The following YAP1 variants were observed in gnomAD, a reference collection of about 807,000 sequenced individuals.
YAP1 encodes the protein Yes1 associated transcriptional regulator, also known as transcriptional coactivator YAP1.
YAP1 carries 5 observed loss-of-function variants against 56.9 expected under a neutral mutation model. That is an observed-to-expected ratio of 0.09 (90% CI 0.05 to 0.18). The LOEUF is 0.18. Ranked by LOEUF, YAP1 falls within the 10% of genes least tolerant of loss-of-function variation. The pLI, the probability that YAP1 is intolerant of heterozygous loss-of-function variation, is 1.00. For missense variants in YAP1, 539 were observed against 651.8 expected, an observed-to-expected ratio of 0.83 and a Z score of 1.88; for synonymous variants, 265 against 248.1, an observed-to-expected ratio of 1.07 and a Z score of -0.64.
intron 3 of YAP1, among the ~76,000 whole-genome samples, chr11:102,176,439 A>AT (rs1266148414): frequency 5.9e-5 from 9 of 152,108 alleles, no homozygotes; most frequent in Non-Finnish European, 1.0e-4. Flanking sequence ...CTTCACAAAG[A>AT]TATGGCATAA....
Position 102,229,854 on chromosome 11 carries a change from G to C in YAP1, c.1429G>C (p.Ala477Pro). The C allele has an allele frequency of 6.2e-7, 1 of 1,614,148 alleles. No individual in the cohort carries two copies. The change falls in exon 9 of 9, where the codon GCT becomes CCT. Residue 477 changes from alanine (A) to proline (P), a missense_variant. Physicochemically the swap from Ala to Pro is conservative, Grantham distance 27. Around this residue, in one of 4 missense-constraint regions of YAP1, gnomAD observed 414 missense variants for 512.4 expected, o/e 0.81. Transcript: ENST00000282441. ...GGAGCTGATGCCAAGTCTGCAGGAA[G>C]CTTTGAGTTCTGACATCCTTAATGA... ...GEELMPSLQE[A>P]LSSDILNDME...
intron 6 of YAP1, among the ~76,000 whole-genome samples, chr11:102,221,452 A>G (rs994130285): frequency 6.6e-6 from 1 of 152,196 alleles, no homozygotes; most frequent in African/African-American, 2.4e-5. Context: ...GGCTGGGTGC[A>G]GTGGCCTATG....
At chr11:102,166,264 C>CT (rs764364781) in intron 3 of YAP1, among the ~76,000 whole-genome samples, 1 of 152,196 alleles carries the variant, frequency 6.6e-6, no homozygotes, top group East Asian at 1.9e-4. Context: ...CTGATAATAT[C>CT]TTTACAGCAC....
chr11:102,135,217 T>A (rs1445469002), intron 2 of YAP1, among the ~76,000 whole-genome samples: 1 of 152,178 alleles, frequency 6.6e-6, no homozygotes, highest in Non-Finnish European at 1.5e-5. Context: ...GGCTGGATTA[T>A]TTTTTAGTTT....
chr11:102,194,716 A>G (rs1188911476), intron 4 of YAP1, among the ~76,000 whole-genome samples: 1 of 152,208 alleles, frequency 6.6e-6, no homozygotes, highest in Non-Finnish European at 1.5e-5. Context: ...GGAAGCCACC[A>G]GTCAAATTTC....
At position 102,110,557 on chromosome 11, in the gene YAP1, C is replaced by G; in HGVS notation, c.-292C>G. 1 of 199,060 alleles carries G rather than the reference C, an allele frequency of 5.0e-6. No individual in the cohort carries two copies. 12.3% of individuals were successfully genotyped at this position (199,060 alleles called of 1,614,324 possible). On this transcript the variant is annotated 5_prime_UTR_variant, in exon 1 of 9. Coordinates refer to ENST00000282441, the MANE Select transcript of YAP1 (RefSeq NM_001130145.3). ...GAAAGGCAACGAGCTGTCCGGCCTC[C>G]GTCAAGGGAGTTGGAGGGAAAAAGT... is the stretch of plus-strand genomic sequence containing the variant.
chr11:102,189,094 T>A (rs770117022), intron 4 of YAP1, among the ~76,000 whole-genome samples: 2 of 152,090 alleles, frequency 1.3e-5, no homozygotes, highest in Non-Finnish European at 2.9e-5. Context: ...GGAGTCATAT[T>A]AGGAGTGTTT....
chr11:102,113,793 C>G (rs1045259526), intron 1 of YAP1, among the ~76,000 whole-genome samples: 2 of 152,058 alleles, frequency 1.3e-5, no homozygotes, highest in African/African-American at 4.8e-5. Context: ...GAAAAGCACC[C>G]ATAACTGCAC....
rs763413374 is a variant in YAP1 at position 102,110,970 on chromosome 11, C to G, written c.122C>G (p.Thr41Ser). ...SGPGQPAPAATQAAPQAPPAG... is the reference protein window; with the variant it reads ...SGPGQPAPAASQAAPQAPPAG... ...CCCGGGCAACCGGCACCCGCGGCGA[C>G]CCAGGCGGCGCCGCAGGCACCCCCC... The change falls in exon 1 of 9, where the codon ACC becomes AGC. Residue 41 changes from threonine (T) to serine (S), a missense_variant. By Grantham distance (58) the Thr-to-Ser change is moderately conservative (BLOSUM62 1). This residue lies in a region of YAP1 where 106 missense variants were observed against 86.6 expected (regional missense o/e 1.22). Transcript: ENST00000282441. 1.3e-6 allele frequency: 2 copies of G among 1,521,596 alleles called. No homozygotes were observed. Among genetic ancestry groups the G allele is most frequent in the Non-Finnish European group, 1.8e-6 (2 of 1,136,384 alleles). 94.3% of individuals were successfully genotyped at this position (1,521,596 alleles called of 1,614,324 possible). A position where few individuals can be genotyped will look rare whatever the true frequency, so the allele number is the denominator to read the frequency against.
In YAP1 at chr11:102,227,474, C is replaced by T. The variant is rs1313217696; in HGVS notation, c.1169C>T (p.Thr390Ile). 2 of 1,612,232 alleles carry T rather than the reference C, an allele frequency of 1.2e-6. No homozygotes were observed. The highest frequency in any genetic ancestry group is 1.1e-5 in the South Asian group (1 of 90,688). ...NSSDPFLNSG[T>I]YHSRDESTDS... ...TAACTGTCATGTTTATGTAGTGGCA[C>T]CTATCACTCTCGAGATGAGAGTACA... The change falls in exon 8 of 9, where the codon ACC becomes ATC. Residue 390 changes from threonine to isoleucine, a missense_variant. This residue lies in a region of YAP1 where 414 missense variants were observed against 512.4 expected (regional missense o/e 0.81). Transcript: ENST00000282441.
At chr11:102,215,530 A>G (rs1412210572) in intron 6 of YAP1, among the ~76,000 whole-genome samples, 2 of 152,216 alleles carry the variant, frequency 1.3e-5, no homozygotes, top group Non-Finnish European at 2.9e-5. Flanking sequence ...GCTGGAGTGC[A>G]ATGGCACGAT....
chr11:102,216,361 G>A (rs1180182945), intron 6 of YAP1, among the ~76,000 whole-genome samples: 3 of 151,618 alleles, frequency 2.0e-5, no homozygotes, highest in Non-Finnish European at 4.4e-5. Flanking sequence ...TCTTAATATG[G>A]GTAAGCATGA....
chr11:102,205,519 G>C (rs1050610855), intron 4 of YAP1, among the ~76,000 whole-genome samples: 1 of 151,964 alleles, frequency 6.6e-6, no homozygotes, highest in East Asian at 1.9e-4. Flanking sequence ...TTGCTTCTTA[G>C]CTATTCATCA....
chr11:102,223,899 A>T, intron 7 of YAP1, 147 bp downstream of exon 7: 1 of 1,066,142 alleles, frequency 9.4e-7, no homozygotes. Context: ...TGGCAAGTAC[A>T]TGCAGAGTTG....
At chr11:102,133,449 A>G (rs1944492038) in intron 2 of YAP1, among the ~76,000 whole-genome samples, 1 of 151,936 alleles carries the variant, frequency 6.6e-6, no homozygotes, top group South Asian at 2.1e-4. Context: ...GCACGTTGCT[A>G]CCATGCTCGG....
intron 2 of YAP1, among the ~76,000 whole-genome samples, chr11:102,126,766 A>G (rs933253114): frequency 3.3e-5 from 5 of 152,092 alleles, no homozygotes; most frequent in Admixed American, 2.6e-4. Context: ...AAGACTCAGA[A>G]GAAGACAAGA....
intron 3 of YAP1, among the ~76,000 whole-genome samples, chr11:102,164,148 G>C (rs866149067): frequency 1.3e-5 from 2 of 150,754 alleles, no homozygotes; most frequent in African/African-American, 4.9e-5. Flanking sequence ...AGTGATTCTC[G>C]CGCCTCAGCC....
At chr11:102,165,693 G>C (rs1452882865) in intron 3 of YAP1, among the ~76,000 whole-genome samples, 1 of 152,088 alleles carries the variant, frequency 6.6e-6, no homozygotes, top group Non-Finnish European at 1.5e-5. Flanking sequence ...TTATATACCA[G>C]GCATTCAGTG....
intron 3 of YAP1, among the ~76,000 whole-genome samples, chr11:102,164,227 G>A (rs1290614429): frequency 2.0e-5 from 3 of 152,020 alleles, no homozygotes; most frequent in Non-Finnish European, 2.9e-5. Context: ...TAGAGACGGG[G>A]TTTCACTATG....
Sources: allele counts gnomAD v4.1 joint callset (sites outside exome capture counted in the v4.1 genomes callset), GRCh38; gene constraint gnomAD v4.1.1; regional missense constraint gnomAD v4.1.1; transcripts MANE v1.5; gene names NCBI Gene and HGNC (gene_info 2026-07-23, HGNC 2026-07-21).